The following TNS1 variants were observed in gnomAD, a reference collection of about 807,000 sequenced individuals.
TNS1 encodes tensin-1.
In TNS1, 62 loss-of-function variants were observed where a neutral mutation model predicts 168.6. The ratio of observed to expected loss-of-function variants is 0.37; its 90% confidence interval spans 0.30 to 0.45. The LOEUF is 0.45. TNS1 is among the 20% of genes least tolerant of loss of function. The probability of loss-of-function intolerance (pLI) is 1.00; values close to 1 mark genes in which losing one functional copy is unlikely to be tolerated. For missense variants in TNS1, 2,240 were observed against 2,339.4 expected (o/e 0.96, Z 0.88); for synonymous variants, 934 against 933.2 (o/e 1.00, Z -0.02).
In TNS1 at chr2:217,986,579, A is replaced by ACTC. The variant is rs1958197813; in HGVS notation, c.148+4360_148+4362dup. The stretch of plus-strand genomic sequence containing the variant: ...CCTCTGGGGCCTCCTGTGCACATGG[A>ACTC]CTCCCATAGAGCACTTCCCTAGAGA... On this transcript the variant is annotated intron_variant, in intron 2 of 32. Transcript: ENST00000682258. This position sits in a 1 kb window ranked among gnomAD's most constrained non-coding sequence, Gnocchi z 4.7. 6.6e-6 allele frequency among the ~76,000 whole-genome samples: 1 copy of ACTC among 151,742 alleles called. No homozygotes were observed. Among genetic ancestry groups the ACTC allele is most frequent in the African/African-American group, 2.4e-5 (1 of 41,272 alleles).
chr2:217,882,133 T>A (rs958847660), intron 17 of TNS1: 2 of 481,554 alleles, frequency 4.2e-6, no homozygotes, highest in Middle Eastern at 4.9e-4. Context: ...ACCCAGTGCC[T>A]CTCTGTCTGC....
chr2:218,006,049 A>G (rs1958654322), upstream of TNS1, among the ~76,000 whole-genome samples: 1 of 152,212 alleles, frequency 6.6e-6, no homozygotes, highest in African/African-American at 2.4e-5. Flanking sequence ...GCATCCCAGA[A>G]GCCTCAGAAC....
intron 25 of TNS1, among the ~76,000 whole-genome samples, chr2:217,814,362 C>T (rs960993613): frequency 9.9e-5 from 15 of 152,262 alleles, no homozygotes; most frequent in African/African-American, 3.1e-4. Context: ...TTTCAGGCTT[C>T]GCAGGCCATG....
At chr2:217,985,378 G>A (rs1483466885) in intron 2 of TNS1, 2 of 152,058 alleles carry the variant, frequency 1.3e-5, no homozygotes, top group African/African-American at 2.4e-5. Flanking sequence ...CCTGATGAGG[G>A]AGGTACTGCT....
intron 2 of TNS1, among the ~76,000 whole-genome samples, chr2:217,984,595 C>A (rs1958143700): frequency 6.6e-6 from 1 of 152,004 alleles, no homozygotes; most frequent in South Asian, 2.1e-4. Flanking sequence ...CTCAAGTGAT[C>A]CTCCCACCTC....
chr2:217,937,550 C>T (rs1224001507), intron 3 of TNS1, among the ~76,000 whole-genome samples: 1 of 152,086 alleles, frequency 6.6e-6, no homozygotes, highest in Non-Finnish European at 1.5e-5. Context: ...GTGATTAGGG[C>T]CCTAATCAGC....
At position 217,818,340 on chromosome 2, in the gene TNS1, C is replaced by G; in HGVS notation, c.3992G>C (p.Gly1331Ala). 1 of 1,614,130 alleles carries G rather than the reference C, an allele frequency of 6.2e-7. No homozygotes were observed. The highest frequency in any genetic ancestry group is 8.5e-7 in the Non-Finnish European group (1 of 1,180,034). The change falls in exon 24 of 33, where the codon GGT (glycine) becomes GCT (alanine). Residue 1331 changes from glycine to alanine, a missense_variant. Transcript: ENST00000682258. ...GCTCTGGGGGCTGGAGACAGTGCTA[C>G]CATGGAAGCCAGTGCCTGGTGGACC... Reference protein sequence around the residue: ...MMGPPGTGFHGSTVSSPQSSA... With the variant: ...MMGPPGTGFHASTVSSPQSSA...
At chr2:217,949,493 G>T (rs995091149) in intron 3 of TNS1, among the ~76,000 whole-genome samples, 4 of 152,184 alleles carry the variant, frequency 2.6e-5, no homozygotes, top group Non-Finnish European at 5.9e-5. Context: ...GATAACTGGG[G>T]AATCCCCAGA....
chr2:217,849,132 T>C (rs760690988), intron 18 of TNS1, 45 bp from the exon 19 acceptor site: 13 of 1,569,912 alleles, frequency 8.3e-6, no homozygotes, highest in Non-Finnish European at 1.1e-5. Context: ...CAACAGACAT[T>C]AGCGGGAGGC....
chr2:217,977,524 G>A (rs1957925501), intron 3 of TNS1, among the ~76,000 whole-genome samples: 1 of 152,206 alleles, frequency 6.6e-6, no homozygotes, highest in African/African-American at 2.4e-5. Flanking sequence ...CCTTCCCCAA[G>A]GTAACACTTG....
chr2:217,821,179 G>A (rs1384545917), intron 23 of TNS1, among the ~76,000 whole-genome samples: 1 of 152,174 alleles, frequency 6.6e-6, no homozygotes, highest in Non-Finnish European at 1.5e-5. Context: ...CCTGTGCAGG[G>A]AGGGCGCCAT....
Position 217,885,157 on chromosome 2 carries a change from C to A in TNS1, c.1124G>T (p.Cys375Phe). Residue 375 changes from cysteine to phenylalanine, a missense_variant, in exon 16 of 33, where the codon TGC (cysteine) becomes TTC (phenylalanine). Cys to Phe is a radical substitution (Grantham distance 205, BLOSUM62 -2). This residue lies in a region of TNS1 where 2,131 missense variants were observed against 2,171.2 expected (regional missense o/e 0.98). Coordinates refer to ENST00000682258, the MANE Select transcript of TNS1 (RefSeq NM_001387777.1). ...LLLKGDILLKCYHKKFRSPAR... is the reference protein window; with the variant it reads ...LLLKGDILLKFYHKKFRSPAR... ...TGGGCTTCGGAACTTCTTGTGGTAG[C>A]ACTTCAGCTGGGTGGGAAGACGGGC... 2 of 1,614,190 alleles carry A rather than the reference C, an allele frequency of 1.2e-6. No individual in the cohort carries two copies. The highest frequency in any genetic ancestry group is 1.7e-6 in the Non-Finnish European group (2 of 1,180,014).
intron 18 of TNS1, among the ~76,000 whole-genome samples, chr2:217,868,071 C>A (rs1192039876): frequency 1.3e-5 from 2 of 152,252 alleles, no homozygotes; most frequent in Non-Finnish European, 2.9e-5. Context: ...GCATCTAGAA[C>A]AGTGAGTGGC....
At position 217,961,260 on chromosome 2, in the gene TNS1, C is replaced by CAGAGAGAGAGAGAG. The variant is rs139190494; in HGVS notation, c.186+17491_186+17504dup. Among the ~76,000 whole-genome samples, 29 of 140,022 alleles carry CAGAGAGAGAGAGAG rather than the reference C, an allele frequency of 2.1e-4. 1 individual carries two copies. In the South Asian group the frequency reaches 5.1e-3, roughly 25 times the overall value. The allele number at this position is 140,022 out of a possible 152,430, so 91.9% of individuals were successfully genotyped here. A position where few individuals can be genotyped will look rare whatever the true frequency, so the allele number is the denominator to read the frequency against. On this transcript the variant is annotated intron_variant, in intron 3 of 32. Coordinates refer to ENST00000682258, the MANE Select transcript of TNS1 (RefSeq NM_001387777.1). ...TCACACACACACACACACACACACA[C>CAGAGAGAGAGAGAG]AGAGAGAGAGAGAGAGAGAGGCTGA... is the stretch of plus-strand genomic sequence containing the variant.
At chr2:218,020,508 A>G (rs62182235) in intron 1 of TNS1, among the ~76,000 whole-genome samples, 19,471 of 151,888 alleles carry the variant, frequency 0.13, 1,398 homozygotes, top group East Asian at 0.27. Context: ...TGCCTGGGGA[A>G]CCACCGAGAA....
At chr2:217,929,701 C>G (rs543676267) in intron 3 of TNS1, among the ~76,000 whole-genome samples, 2 of 149,780 alleles carry the variant, frequency 1.3e-5, no homozygotes, top group Non-Finnish European at 3.0e-5. Context: ...CCCTCCACCC[C>G]CCACCCGCCC....
chr2:218,031,192 C>CTGTATGTGTGTGAGTGTGTCTGTG (rs1559415573), intron 1 of TNS1, among the ~76,000 whole-genome samples: 2 of 117,304 alleles, frequency 1.7e-5, no homozygotes, highest in Admixed American at 9.0e-5. Flanking sequence ...GTGAATGTGT[C>CTGTATGTGTGTGAGTGTGTCTGTG]TGTATGTGTG....
intron 3 of TNS1, among the ~76,000 whole-genome samples, chr2:217,962,786 C>A (rs1321142196): frequency 6.6e-6 from 1 of 152,180 alleles, no homozygotes; most frequent in Non-Finnish European, 1.5e-5. Flanking sequence ...GACAGAAGAA[C>A]TGTCCCAGAT....
At chr2:217,922,615 G>A (rs1955783336) in intron 3 of TNS1, among the ~76,000 whole-genome samples, 1 of 152,240 alleles carries the variant, frequency 6.6e-6, no homozygotes, top group Non-Finnish European at 1.5e-5. Context: ...TTTTGAACCA[G>A]CAGCAGAAGA....
Sources: allele counts gnomAD v4.1 joint callset (sites outside exome capture counted in the v4.1 genomes callset), GRCh38; gene constraint gnomAD v4.1.1; regional missense constraint gnomAD v4.1.1; non-coding constraint Gnocchi (gnomAD v3.1); transcripts MANE v1.5; gene names NCBI Gene and HGNC (gene_info 2026-07-23, HGNC 2026-07-21).